Variants in SINHCAF observed in about 807,000 individuals in gnomAD.
SINHCAF encodes SIN3-HDAC complex-associated factor.
Under a neutral mutation model 25.8 loss-of-function variants are expected in SINHCAF, and 3 were observed. The observed-to-expected ratio is 0.12, with a 90% CI of 0.05 to 0.30. SINHCAF has a LOEUF of 0.30. Among genes scored for constraint, SINHCAF ranks in the 10% least tolerant of loss-of-function variants. The pLI, the probability that SINHCAF is intolerant of heterozygous loss-of-function variation, is 1.00. For synonymous variants in SINHCAF, 70 were observed against 85.5 expected (o/e 0.82, Z 1.00); for missense variants, 121 against 262.3 (o/e 0.46, Z 3.72).
At chr12:31,313,110 C>T (rs778602629) in intron 1 of SINHCAF, among the ~76,000 whole-genome samples, 7 of 152,114 alleles carry the variant, frequency 4.6e-5, no homozygotes, top group Non-Finnish European at 5.9e-5. Flanking sequence ...CTGCAACCTC[C>T]ACCTCCTGGG....
Position 31,281,790 on chromosome 12 carries a change from CAT to C in SINHCAF, c.*920_*921del, listed in dbSNP as rs1937810513. 6.6e-6 allele frequency: 1 copy of C among 152,168 alleles called. No individual in the cohort carries two copies. Among genetic ancestry groups the C allele is most frequent in the Non-Finnish European group, 1.5e-5 (1 of 68,028 alleles). 9.4% of individuals were successfully genotyped at this position (152,168 alleles called of 1,614,324 possible). On this transcript the variant is annotated 3_prime_UTR_variant, in exon 6 of 6. Coordinates refer to ENST00000337682, the MANE Select transcript of SINHCAF (RefSeq NM_001135812.2). ...CTTTGATTCTGCTTTAGAAGTTTTA[CAT>C]AAATTAAAATCTTTATCAAATATTA...
At chr12:31,294,032 G>GA in intron 3 of SINHCAF, 101 bp from the exon 4 acceptor site, 1 of 843,294 alleles carries the variant, frequency 1.2e-6, no homozygotes, top group East Asian at 2.9e-5. Flanking sequence ...GTTTTATACT[G>GA]AAAAGAGGAT....
Position 31,324,772 on chromosome 12 carries a change from A to G in SINHCAF, c.-21+1252T>C. 2.8e-6 allele frequency: 1 copy of G among 354,742 alleles called. No individual in the cohort carries two copies. The highest frequency in any genetic ancestry group is 2.1e-5 in the South Asian group (1 of 48,434). The allele number at this position is 354,742 out of a possible 1,614,324, so 22.0% of individuals were successfully genotyped here. Reference sequence around the variant, plus strand: ...GGGGTCCGGACCCCGCGCCCCGAAGAGTCCGGAGCCTGGCCCCCCGACCCT... The same window carrying G: ...GGGGTCCGGACCCCGCGCCCCGAAGGGTCCGGAGCCTGGCCCCCCGACCCT... On this transcript the variant is annotated intron_variant, in intron 1 of 5. Transcript: ENST00000337682. The surrounding 1 kb of genome is among the most constrained non-coding windows in gnomAD (Gnocchi z 5.5).
intron 1 of SINHCAF, among the ~76,000 whole-genome samples, chr12:31,300,379 G>C (rs1414742552): frequency 1.3e-5 from 2 of 152,192 alleles, no homozygotes; most frequent in African/African-American, 4.8e-5. Context: ...GGGCAAGGCA[G>C]AAGGCCTTCA....
Position 31,301,756 on chromosome 12 carries a change from C to CAA in SINHCAF, c.-20-3534_-20-3533dup, listed in dbSNP as rs147217124. On this transcript the variant is annotated intron_variant, in intron 1 of 5. Transcript: ENST00000337682. ...ACCCATGAAATGTTTAAAAAAACAA[C>CAA]AAAAAAAAAACACTACTTAATCCCT... Among the ~76,000 whole-genome samples, 398 of 143,814 alleles carry CAA rather than the reference C, an allele frequency of 2.8e-3. 1 individual carries two copies. The highest frequency in any genetic ancestry group is 9.4e-3 in the African/African-American group (369 of 39,346). 94.3% of individuals were successfully genotyped at this position (143,814 alleles called of 152,430 possible). A position where few individuals can be genotyped will look rare whatever the true frequency, so the allele number is the denominator to read the frequency against.
At chr12:31,301,105 T>C (rs933283431) in intron 1 of SINHCAF, among the ~76,000 whole-genome samples, 4 of 152,200 alleles carry the variant, frequency 2.6e-5, no homozygotes, top group South Asian at 2.1e-4. Flanking sequence ...CAAGACGCCA[T>C]AGTTTGTGCC....
At chr12:31,302,318 C>A (rs1264620553) in intron 1 of SINHCAF, among the ~76,000 whole-genome samples, 1 of 151,966 alleles carries the variant, frequency 6.6e-6, no homozygotes, top group African/African-American at 2.4e-5. Context: ...GTACACATTA[C>A]AAGAGTGAAT....
intron 5 of SINHCAF, among the ~76,000 whole-genome samples, chr12:31,283,552 G>A (rs571202891): frequency 5.9e-5 from 9 of 151,474 alleles, no homozygotes; most frequent in Admixed American, 2.6e-4. Flanking sequence ...GCAGTGAGCC[G>A]AAATCACACC....
chr12:31,287,343 T>C (rs969540398), intron 5 of SINHCAF, among the ~76,000 whole-genome samples: 2 of 152,196 alleles, frequency 1.3e-5, no homozygotes, highest in African/African-American at 4.8e-5. Flanking sequence ...GTCACGTCTT[T>C]TTGAAGGACC....
chr12:31,286,451 C>T (rs1320259735), intron 5 of SINHCAF, among the ~76,000 whole-genome samples: 1 of 152,022 alleles, frequency 6.6e-6, no homozygotes, highest in Non-Finnish European at 1.5e-5. Flanking sequence ...CACCTAAGGT[C>T]AGGAGTTCGA....
chr12:31,301,024 A>C (rs1281634573), intron 1 of SINHCAF, among the ~76,000 whole-genome samples: 1 of 152,162 alleles, frequency 6.6e-6, no homozygotes, highest in Non-Finnish European at 1.5e-5. Flanking sequence ...CCAAATAAAC[A>C]AGTCCTCAAA....
At chr12:31,318,651 GAA>G (rs34544624) in intron 1 of SINHCAF, among the ~76,000 whole-genome samples, 3,065 of 138,148 alleles carry the variant, frequency 0.022, 68 homozygotes, top group African/African-American at 0.057. Flanking sequence ...TTGGTAGAGC[GAA>G]AAAAAAAAAA....
In SINHCAF at chr12:31,325,173, T is replaced by A. The variant is rs1939912412; in HGVS notation, c.-21+851A>T. 1 of 456,672 alleles carries A rather than the reference T, an allele frequency of 2.2e-6. No homozygotes were observed. Among genetic ancestry groups the A allele is most frequent in the South Asian group, 1.5e-5 (1 of 64,574 alleles). 28.3% of individuals were successfully genotyped at this position (456,672 alleles called of 1,614,324 possible). On this transcript the variant is annotated intron_variant, in intron 1 of 5. Coordinates refer to ENST00000337682, the MANE Select transcript of SINHCAF (RefSeq NM_001135812.2). This position sits in a 1 kb window ranked among gnomAD's most constrained non-coding sequence, Gnocchi z 5.9. The stretch of plus-strand genomic sequence containing the variant: ...ATCTTACAGCGCGGACGGCCGCCCA[T>A]AAACGGGAAGCCCTCGCGGTGTCGC...
Position 31,282,069 on chromosome 12 carries a change from AG to A in SINHCAF, c.*642del, listed in dbSNP as rs1392134347. ...TATTATCATGAGGGAAAACAAGAGT[AG>A]CCAGCCATCTTAAAAATGCCCCAAC... On this transcript the variant is annotated 3_prime_UTR_variant, in exon 6 of 6. Coordinates refer to ENST00000337682, the MANE Select transcript of SINHCAF (RefSeq NM_001135812.2). The A allele has an allele frequency of 1.3e-5, 2 of 152,632 alleles. No individual in the cohort carries two copies. Among genetic ancestry groups the A allele is most frequent in the Non-Finnish European group, 2.9e-5 (2 of 68,032 alleles). 9.5% of individuals were successfully genotyped at this position (152,632 alleles called of 1,614,324 possible). A position where few individuals can be genotyped will look rare whatever the true frequency, so the allele number is the denominator to read the frequency against.
At position 31,295,242 on chromosome 12, in the gene SINHCAF, A is replaced by C; in HGVS notation, c.220T>G (p.Trp74Gly). 6.3e-7 allele frequency: 1 copy of C among 1,597,686 alleles called. No homozygotes were observed. Among genetic ancestry groups the C allele is most frequent in the Non-Finnish European group, 8.6e-7 (1 of 1,169,132 alleles). ...AAGAAAGATGGACTAACATGATTCCAGTTTTTTTTTGATCCTGCTGGCAAC... is the reference window on the plus strand; with the variant it reads ...AAGAAAGATGGACTAACATGATTCCCGTTTTTTTTTGATCCTGCTGGCAAC... ...KKLPAGSKKNWNHVVDARAGP... is the reference protein window; with the variant it reads ...KKLPAGSKKNGNHVVDARAGP... The change falls in exon 3 of 6, where the codon TGG becomes GGG. Residue 74 changes from tryptophan to glycine, a missense_variant. Physicochemically the swap from Trp to Gly is radical, Grantham distance 184 (BLOSUM62 -2). Transcript: ENST00000337682.
intron 1 of SINHCAF, among the ~76,000 whole-genome samples, chr12:31,323,577 G>T (rs997098769): frequency 7.9e-5 from 12 of 152,190 alleles, no homozygotes; most frequent in African/African-American, 2.4e-4. Context: ...GTTACAGGAA[G>T]AAAATAAAAA....
chr12:31,306,184 T>C (rs992535424), intron 1 of SINHCAF, among the ~76,000 whole-genome samples: 1 of 152,122 alleles, frequency 6.6e-6, no homozygotes, highest in African/African-American at 2.4e-5. Context: ...TACCAATACA[T>C]ATTTATATGC....
chr12:31,319,070 C>T (rs2137136015), intron 1 of SINHCAF, among the ~76,000 whole-genome samples: 1 of 152,302 alleles, frequency 6.6e-6, no homozygotes, highest in African/African-American at 2.4e-5. Context: ...TTCAGGGAGA[C>T]TTTAAGGTCA....
chr12:31,307,962 A>C (rs563238736), intron 1 of SINHCAF, among the ~76,000 whole-genome samples: 33 of 152,142 alleles, frequency 2.2e-4, no homozygotes, highest in African/African-American at 7.7e-4. Context: ...TTAAAAAAAA[A>C]CAACAACAAC....
Sources: gnomAD v4.1 joint callset for allele counts (sites outside exome capture counted in the v4.1 genomes callset) on GRCh38, gnomAD v4.1.1 for gene constraint, Gnocchi (gnomAD v3.1) non-coding constraint, MANE v1.5 for transcripts, NCBI Gene and HGNC (gene_info 2026-07-23, HGNC 2026-07-21) for gene names.